The following RYR2 variants were observed in gnomAD, a reference collection of about 807,000 sequenced individuals.
RYR2 encodes ryanodine receptor 2.
RYR2 carries 227 observed loss-of-function variants against 601.1 expected under a neutral mutation model. The observed-to-expected ratio is 0.38, with a 90% CI of 0.34 to 0.42. RYR2 has a LOEUF of 0.42. Ranked by LOEUF, RYR2 falls within the 10% of genes least tolerant of loss-of-function variation. RYR2 has a pLI of 1.00. For missense variants in RYR2, 4,646 were observed against 6,156.5 expected (o/e 0.75, Z 8.21); for synonymous variants, 2,223 against 2,175.1 (o/e 1.02, Z -0.61).
intron 38 of RYR2, among the ~76,000 whole-genome samples, chr1:237,618,723 C>T (rs1678760144): frequency 6.6e-6 from 1 of 152,190 alleles, no homozygotes; most frequent in Non-Finnish European, 1.5e-5. Context: ...CCACACTGGG[C>T]ACAGGCTGAG....
At chr1:237,462,783 A>G (rs1247654742) in intron 16 of RYR2, among the ~76,000 whole-genome samples, 1 of 152,200 alleles carries the variant, frequency 6.6e-6, no homozygotes, top group Non-Finnish European at 1.5e-5. Flanking sequence ...GAAGAAGGAA[A>G]TGGGCTTTAG....
intron 2 of RYR2, among the ~76,000 whole-genome samples, chr1:237,296,022 G>T (rs1166697983): frequency 6.6e-6 from 1 of 152,168 alleles, no homozygotes; most frequent in Non-Finnish European, 1.5e-5. Context: ...GGATTGGATT[G>T]GTTTATTGTA....
intron 27 of RYR2, among the ~76,000 whole-genome samples, chr1:237,565,123 C>CTT (rs1553503239): frequency 1.3e-4 from 1 of 7,450 alleles, no homozygotes; most frequent in South Asian, 0.023. Context: ...CTTTTTCTTT[C>CTT]TTTCTTTCTT....
At chr1:237,446,642 A>C (rs1287552565) in intron 14 of RYR2, among the ~76,000 whole-genome samples, 1 of 152,136 alleles carries the variant, frequency 6.6e-6, no homozygotes, top group East Asian at 1.9e-4. Flanking sequence ...TATAAACCAT[A>C]CACACTGTGT....
At chr1:237,511,843 A>T in intron 24 of RYR2, 52 bp downstream of exon 24, 1 of 949,460 alleles carries the variant, frequency 1.1e-6, no homozygotes, top group Non-Finnish European at 1.4e-6. Flanking sequence ...TGAAAAAAAA[A>T]AAAAAAAAAA....
chr1:237,402,398 AG>A (rs1208261528), intron 10 of RYR2, among the ~76,000 whole-genome samples: 3 of 149,380 alleles, frequency 2.0e-5, no homozygotes, highest in African/African-American at 7.3e-5. Flanking sequence ...TAAAAAAAAA[AG>A]AAAAAAAAAT....
In RYR2 at chr1:237,537,556, C is replaced by A. The variant is rs190601006; in HGVS notation, c.2906+7046C>A. Among the ~76,000 whole-genome samples, 150 of 152,276 alleles carry A rather than the reference C, an allele frequency of 9.9e-4. 2 individuals carry two copies. Among genetic ancestry groups the A allele is most frequent in the African/African-American group, 3.5e-3 (145 of 41,556 alleles). ...TCTTGAGCTCCTGACCTCAGGTGAT[C>A]CGCCTGCCTTGGCCTCCCAAATTGC... On this transcript the variant is annotated intron_variant, in intron 25 of 104. Coordinates refer to ENST00000366574, the MANE Select transcript of RYR2 (RefSeq NM_001035.3).
At chr1:237,754,936 T>C (rs1692820383) in intron 80 of RYR2, 6 of 408,518 alleles carry the variant, frequency 1.5e-5, no homozygotes, top group Admixed American at 8.7e-5. Flanking sequence ...CAAAGCTGCC[T>C]CTTTTTTTTT....
At chr1:237,056,166 A>C (rs992815052) in intron 1 of RYR2, among the ~76,000 whole-genome samples, 14 of 136,646 alleles carry the variant, frequency 1.0e-4, no homozygotes, top group Non-Finnish European at 2.2e-4. Flanking sequence ...ACTAGAGACT[A>C]TACCTCTGAG....
At chr1:237,098,379 T>TTGTGTGTGTG (rs758325281) in intron 1 of RYR2, among the ~76,000 whole-genome samples, 3 of 58,728 alleles carry the variant, frequency 5.1e-5, no homozygotes, top group African/African-American at 1.1e-4. Flanking sequence ...ATAGTTGCCA[T>TTGTGTGTGTG]TGTGTGTATG....
intron 2 of RYR2, among the ~76,000 whole-genome samples, chr1:237,326,158 C>G (rs1228658908): frequency 6.6e-6 from 1 of 152,086 alleles, no homozygotes. Flanking sequence ...TTTACATAGC[C>G]TCTCCAGAGC....
chr1:237,798,526 C>T (rs35751717), intron 97 of RYR2, among the ~76,000 whole-genome samples: 15,591 of 151,968 alleles, frequency 0.1, 858 homozygotes, highest in African/African-American at 0.15. Context: ...TTTGAAAAAA[C>T]GTTAATTTTC....
chr1:237,184,338 T>C (rs147524348), intron 1 of RYR2, among the ~76,000 whole-genome samples: 154 of 152,316 alleles, frequency 1.0e-3, no homozygotes, highest in Admixed American at 2.1e-3. Flanking sequence ...TTCTCCCAAT[T>C]ATGAGATGAG....
chr1:237,415,422 C>A (rs375846022), intron 10 of RYR2, among the ~76,000 whole-genome samples: 154 of 152,292 alleles, frequency 1.0e-3, no homozygotes, highest in African/African-American at 3.5e-3. Flanking sequence ...CCCAAACTAA[C>A]TGATTAAATT....
Position 237,648,596 on chromosome 1 carries a change from G to T in RYR2, c.7495G>T (p.Ala2499Ser), listed in dbSNP as rs191850147. 1 of 1,609,470 alleles carries T rather than the reference G, an allele frequency of 6.2e-7. No homozygotes were observed. Residue 2499 changes from alanine to serine, a missense_variant, in exon 49 of 105, where the codon GCT becomes TCT. Around this residue, in one of 17 missense-constraint regions of RYR2, gnomAD observed 1,497 missense variants for 1,842.6 expected, o/e 0.81. Transcript: ENST00000366574. ...TGGCTTTCTGCCAGATCTCCGGGCGGCTGCTTCTTTAGATACGGTGAGATT... is the reference window on the plus strand; with the variant it reads ...TGGCTTTCTGCCAGATCTCCGGGCGTCTGCTTCTTTAGATACGGTGAGATT... ...EVGFLPDLRAAASLDTAALSA... is the reference protein window; with the variant it reads ...EVGFLPDLRASASLDTAALSA...
chr1:237,063,878 C>G (rs916092588), intron 1 of RYR2, among the ~76,000 whole-genome samples: 1 of 152,100 alleles, frequency 6.6e-6, no homozygotes, highest in African/African-American at 2.4e-5. Flanking sequence ...TGGTGATCCA[C>G]CCCCGACCCC....
chr1:237,363,458 TA>T (rs1396927982), intron 4 of RYR2, among the ~76,000 whole-genome samples: 1 of 152,102 alleles, frequency 6.6e-6, no homozygotes, highest in Non-Finnish European at 1.5e-5. Flanking sequence ...GGAAAAATTG[TA>T]ATATTTACAA....
chr1:237,312,606 T>C (rs1295682844), intron 2 of RYR2, among the ~76,000 whole-genome samples: 1 of 152,194 alleles, frequency 6.6e-6, no homozygotes, highest in Non-Finnish European at 1.5e-5. Flanking sequence ...GTTTTCTCAT[T>C]ATACAAATAT....
At chr1:237,406,947 C>T (rs1703962747) in intron 10 of RYR2, among the ~76,000 whole-genome samples, 1 of 151,628 alleles carries the variant, frequency 6.6e-6, no homozygotes, top group South Asian at 2.1e-4. Context: ...TGCAGTATCA[C>T]ACACAATAAT....
Sources: allele counts gnomAD v4.1 joint callset (sites outside exome capture counted in the v4.1 genomes callset), GRCh38; gene constraint gnomAD v4.1.1; regional missense constraint gnomAD v4.1.1; transcripts MANE v1.5; gene names NCBI Gene and HGNC (gene_info 2026-07-23, HGNC 2026-07-21).